The following SRSF1 variants were observed in gnomAD, a reference collection of about 807,000 sequenced individuals.
SRSF1 encodes the protein serine and arginine rich splicing factor 1, also known as serine/arginine-rich splicing factor 1.
A neutral mutation model predicts 25.9 loss-of-function variants in SRSF1; 1 was observed. That is an observed-to-expected ratio of 0.04 (90% CI 0.01 to 0.18). The LOEUF (loss-of-function observed/expected upper bound fraction) is 0.18, where lower values mean the gene tolerates loss of function less well. SRSF1 is among the 10% of genes least tolerant of loss of function. SRSF1 has a pLI of 1.00. For synonymous variants in SRSF1, 132 were observed against 126.2 expected (o/e 1.05, Z -0.31); for missense variants, 65 against 350.5 (o/e 0.19, Z 6.50).
downstream of SRSF1, among the ~76,000 whole-genome samples, chr17:57,997,271 T>C (rs577827733): frequency 1.3e-5 from 2 of 152,166 alleles, no homozygotes; most frequent in African/African-American, 4.8e-5. Flanking sequence ...TTAGATTAAT[T>C]CAAATTTTCT....
chr17:57,990,835 CCT>C, the SRSF1 span: 6 of 152,218 alleles, frequency 3.9e-5, no homozygotes, highest in South Asian at 2.1e-4. Context: ...TGTTCAGGTT[CCT>C]CTCTCCTCCT....
the SRSF1 span, chr17:57,994,056 G>C: frequency 6.6e-6 from 1 of 152,208 alleles, no homozygotes; most frequent in East Asian, 1.9e-4. Context: ...CTGGAATACA[G>C]AATACACGTT....
chr17:58,002,617 CAA>C lies in SRSF1; in HGVS notation c.*2787_*2788del, dbSNP rs2075399783. Reference sequence around the variant, plus strand: ...TATGGTTGGAGAAGGGCTTATAAGGCAAAATTCTAAATGCCCAGCTTTTTATT... The same window carrying C: ...TATGGTTGGAGAAGGGCTTATAAGGCAATTCTAAATGCCCAGCTTTTTATT... On this transcript the variant is annotated 3_prime_UTR_variant, in exon 4 of 4. Transcript: ENST00000258962. 6.6e-6 allele frequency among the ~76,000 whole-genome samples: 1 copy of C among 152,144 alleles called. No homozygotes were observed. Among genetic ancestry groups the C allele is most frequent in the Non-Finnish European group, 1.5e-5 (1 of 68,028 alleles).
At position 58,002,868 on chromosome 17, in the gene SRSF1, C is replaced by T. The variant is rs373322132; in HGVS notation, c.*2538G>A. Among the ~76,000 whole-genome samples, 2 of 152,080 alleles carry T rather than the reference C, an allele frequency of 1.3e-5. No individual in the cohort carries two copies. Among genetic ancestry groups the T allele is most frequent in the South Asian group, 2.1e-4 (1 of 4,818 alleles). On this transcript the variant is annotated 3_prime_UTR_variant, in exon 4 of 4. Coordinates refer to ENST00000258962, the MANE Select transcript of SRSF1 (RefSeq NM_006924.5). ...TCTCTACTAAAAATACAAAATTAGCCGGGCAAGGGTGGCACACACTTGTAG... is the reference window on the plus strand; with the variant it reads ...TCTCTACTAAAAATACAAAATTAGCTGGGCAAGGGTGGCACACACTTGTAG...
chr17:57,991,978 G>A, the SRSF1 span: 2 of 152,128 alleles, frequency 1.3e-5, no homozygotes, highest in African/African-American at 4.8e-5. Flanking sequence ...GCTGGTAGTC[G>A]AGGGCTTTTA....
intron 1 of SRSF1, 125 bp downstream of exon 1, chr17:58,006,819 C>A (rs1567749346): frequency 3.4e-6 from 4 of 1,192,450 alleles, no homozygotes; most frequent in African/African-American, 3.1e-5. Context: ...CCTGCATGGG[C>A]GATACAGTCT....
chr17:57,990,803 A>G, the SRSF1 span: 13,106 of 152,160 alleles, frequency 0.086, 698 homozygotes, highest in African/African-American at 0.16. Context: ...ACCCAAACAA[A>G]AGTCAGATCC....
In SRSF1 at chr17:58,006,886, G is replaced by A. The variant is rs1018830945; in HGVS notation, c.194+58C>T. 3.5e-5 allele frequency: 56 copies of A among 1,588,494 alleles called. 1 individual carries two copies. The highest frequency in any genetic ancestry group is 8.5e-5 in the Admixed American group (5 of 59,112). On this transcript the variant is annotated intron_variant, in intron 1 of 3. Transcript: ENST00000258962. Reference sequence around the variant, plus strand: ...CCGTTCTCTATGTTAAGGCCTTGGAGCCTTCCCCAACTACTCGGACCTATT... The same window carrying A: ...CCGTTCTCTATGTTAAGGCCTTGGAACCTTCCCCAACTACTCGGACCTATT...
rs746179257 is a variant in SRSF1 at position 58,006,432 on chromosome 17, C to A, written c.290G>T (p.Arg97Leu). ...EFPRSGRGTGRGGGGGGGGGA... is the reference protein window; with the variant it reads ...EFPRSGRGTGLGGGGGGGGGA... The stretch of plus-strand genomic sequence containing the variant: ...GCCACCTCCACCCCCGCCGCCGCCT[C>A]GGCCTGTTCCACGGCCGCTTCGAGG... The change falls in exon 2 of 4, where the codon CGA (arginine) becomes CTA (leucine). Residue 97 changes from arginine (R) to leucine (L), a missense_variant. Transcript: ENST00000258962. 1 of 1,613,160 alleles carries A rather than the reference C, an allele frequency of 6.2e-7. No homozygotes were observed. Among genetic ancestry groups the A allele is most frequent in the Non-Finnish European group, 8.5e-7 (1 of 1,180,026 alleles).
chr17:57,994,598 T>TACTC, the SRSF1 span: 1 of 152,182 alleles, frequency 6.6e-6, no homozygotes, highest in Non-Finnish European at 1.5e-5. Context: ...AAACACCCAG[T>TACTC]ACTCGATATA....
the SRSF1 span, chr17:57,992,522 CAA>C: frequency 3.9e-5 from 6 of 152,132 alleles, no homozygotes; most frequent in Admixed American, 6.5e-5. Flanking sequence ...AATTCCTACA[CAA>C]AGTTTCTCGA....
intron 1 of SRSF1, 147 bp from the exon 2 acceptor site, chr17:58,006,674 A>G: frequency 9.7e-7 from 1 of 1,026,408 alleles, no homozygotes; most frequent in Non-Finnish European, 1.4e-6. Context: ...TCCCCCACCC[A>G]GAAACACGCC....
chr17:58,005,746 G>T lies in SRSF1; in HGVS notation c.552+55C>A. ...TGAATCCTTACCTTGAAATTCCACT[G>T]TTAAGACCACTGTATCCAATTCTGG... On this transcript the variant is annotated intron_variant, in intron 3 of 3. Transcript: ENST00000258962. This position sits in a 1 kb window ranked among gnomAD's most constrained non-coding sequence, Gnocchi z 5.2. 2 of 1,613,960 alleles carry T rather than the reference G, an allele frequency of 1.2e-6. No individual in the cohort carries two copies. The highest frequency in any genetic ancestry group is 1.3e-5 in the African/African-American group (1 of 75,038).
rs2075399120 is a variant in SRSF1, at chr17:58,002,535, TAA to T, written c.*2869_*2870del. ...TAGACAAATACAAGAAGTAGCAGGC[TAA>T]AAGTTTTTAACTGCTTTGGTAGAGA... On this transcript the variant is annotated 3_prime_UTR_variant, in exon 4 of 4. Transcript: ENST00000258962. 6.6e-6 allele frequency among the ~76,000 whole-genome samples: 1 copy of T among 152,218 alleles called. No homozygotes were observed. The highest frequency in any genetic ancestry group is 1.5e-5 in the Non-Finnish European group (1 of 68,036).
chr17:57,995,450 G>C, the SRSF1 span, among the ~76,000 whole-genome samples: 2 of 152,216 alleles, frequency 1.3e-5, no homozygotes, highest in Non-Finnish European at 2.9e-5. Flanking sequence ...GCTTCTCTGA[G>C]AGAGCTGGCT....
At position 58,006,824 on chromosome 17, in the gene SRSF1, C is replaced by T. The variant is rs1483961743; in HGVS notation, c.194+120G>A. 4 of 1,233,644 alleles carry T rather than the reference C, an allele frequency of 3.2e-6. No individual in the cohort carries two copies. In the African/African-American group the frequency reaches 4.5e-5, roughly 14 times the overall value. 76.4% of individuals were successfully genotyped at this position (1,233,644 alleles called of 1,614,324 possible). On this transcript the variant is annotated intron_variant, in intron 1 of 3. Coordinates refer to ENST00000258962, the MANE Select transcript of SRSF1 (RefSeq NM_006924.5). ...TTACTCGACTCCTGCATGGGCGATA[C>T]AGTCTCGCCCCAACCTCTCTAAGAG...
In SRSF1 at chr17:58,006,524, G is replaced by A. The variant is rs1188609513; in HGVS notation, c.198C>T (p.Asp66=). The change falls in exon 2 of 4, where the codon GAC becomes GAT. Residue 66 remains aspartate, a synonymous_variant. Coordinates refer to ENST00000258962, the MANE Select transcript of SRSF1 (RefSeq NM_006924.5). ...FAFVEFEDPR[D]AEDAVYGRDG... Reference sequence around the variant, plus strand: ...CGCGACCATACACCGCGTCTTCCGCGTCTCTGCGGGATCGCAGAAAGTAAA... The same window carrying A: ...CGCGACCATACACCGCGTCTTCCGCATCTCTGCGGGATCGCAGAAAGTAAA... 6.2e-7 allele frequency: 1 copy of A among 1,611,652 alleles called. No homozygotes were observed. The highest frequency in any genetic ancestry group is 1.7e-5 in the Admixed American group (1 of 59,794).
chr17:57,997,837 T>C (rs1420415107), downstream of SRSF1, among the ~76,000 whole-genome samples: 6 of 152,168 alleles, frequency 3.9e-5, no homozygotes, highest in African/African-American at 7.2e-5. Context: ...ATTTACTATT[T>C]TTAGAGTACA....
At chr17:58,006,639 T>A (rs1010679871) in intron 1 of SRSF1, 112 bp from the exon 2 acceptor site, 6 of 1,281,856 alleles carry the variant, frequency 4.7e-6, no homozygotes, top group Middle Eastern at 2.8e-4. Context: ...AGAGCCCACA[T>A]GCGCCGCATA....
Sources: allele counts gnomAD v4.1 joint callset (sites outside exome capture counted in the v4.1 genomes callset), GRCh38; gene constraint gnomAD v4.1.1; non-coding constraint Gnocchi (gnomAD v3.1); transcripts MANE v1.5; gene names NCBI Gene and HGNC (gene_info 2026-07-23, HGNC 2026-07-21).